The following POFUT3 variants were observed in gnomAD, a reference collection of about 807,000 sequenced individuals.
POFUT3 encodes the protein GDP-fucose protein O-fucosyltransferase 3.
the POFUT3 span, among the ~76,000 whole-genome samples, chr8:33,351,646 C>T: frequency 6.6e-6 from 1 of 152,112 alleles, no homozygotes; most frequent in Non-Finnish European, 1.5e-5. Context: ...GCTTCTTGTA[C>T]AGCCTGAAGA....
chr8:33,439,082 G>T, the POFUT3 span, among the ~76,000 whole-genome samples: 1 of 152,100 alleles, frequency 6.6e-6, no homozygotes. Flanking sequence ...CCTAATCCAG[G>T]ACACCATCAT....
At chr8:33,424,043 G>A in the POFUT3 span, among the ~76,000 whole-genome samples, 1 of 151,788 alleles carries the variant, frequency 6.6e-6, no homozygotes, top group Non-Finnish European at 1.5e-5. Flanking sequence ...GGAGACTGAG[G>A]CAGGAGACTT....
the POFUT3 span, chr8:33,361,082 T>C: frequency 6.6e-6 from 1 of 152,212 alleles, no homozygotes; most frequent in Admixed American, 6.5e-5. Context: ...GTGAACTATA[T>C]ACATGATGAC....
At chr8:33,361,405 A>G in the POFUT3 span, 1 of 152,228 alleles carries the variant, frequency 6.6e-6, no homozygotes, top group Non-Finnish European at 1.5e-5. Context: ...AACACATCTC[A>G]TTAATAATAT....
chr8:33,425,244 G>A, the POFUT3 span, among the ~76,000 whole-genome samples: 4 of 151,958 alleles, frequency 2.6e-5, no homozygotes, highest in East Asian at 7.7e-4. Flanking sequence ...TGAGGCAGGA[G>A]GATTGCCTGA....
At chr8:33,464,446 A>G in the POFUT3 span, among the ~76,000 whole-genome samples, 1 of 152,204 alleles carries the variant, frequency 6.6e-6, no homozygotes, top group Non-Finnish European at 1.5e-5. Context: ...AACTTGACCA[A>G]GACTCTAACT....
chr8:33,329,950 A>G, the POFUT3 span, among the ~76,000 whole-genome samples: 2 of 152,164 alleles, frequency 1.3e-5, no homozygotes, highest in Non-Finnish European at 2.9e-5. Context: ...GGTCTTCTCC[A>G]CCCCAGATCA....
chr8:33,330,773 C>T, the POFUT3 span, among the ~76,000 whole-genome samples: 1 of 152,064 alleles, frequency 6.6e-6, no homozygotes, highest in Non-Finnish European at 1.5e-5. Context: ...CCTCTTCCTC[C>T]CTTCCTTAAA....
At chr8:33,378,582 C>T in the POFUT3 span, among the ~76,000 whole-genome samples, 3,227 of 152,162 alleles carry the variant, frequency 0.021, 119 homozygotes, top group African/African-American at 0.075. Context: ...AAGAACCTGC[C>T]GTACTCCCAA....
chr8:33,382,441 G>T, the POFUT3 span, among the ~76,000 whole-genome samples: 7 of 151,696 alleles, frequency 4.6e-5, no homozygotes, highest in African/African-American at 1.7e-4. Flanking sequence ...AAATGATAAG[G>T]AAAACAAAAA....
the POFUT3 span, among the ~76,000 whole-genome samples, chr8:33,466,245 C>T: frequency 2.0e-4 from 30 of 151,884 alleles, no homozygotes; most frequent in African/African-American, 6.0e-4. Context: ...AACAAGACTC[C>T]GTCTCTACAA....
At chr8:33,459,357 G>A in the POFUT3 span, among the ~76,000 whole-genome samples, 86,998 of 151,748 alleles carry the variant, frequency 0.57, 25,156 homozygotes, top group Non-Finnish European at 0.59. Context: ...AAGTCCTGTG[G>A]AAGCCAGGCG....
the POFUT3 span, among the ~76,000 whole-genome samples, chr8:33,397,077 G>C: frequency 6.6e-6 from 1 of 152,136 alleles, no homozygotes; most frequent in Non-Finnish European, 1.5e-5. Flanking sequence ...GCAGTGACCT[G>C]AGTTTTTTCT....
the POFUT3 span, among the ~76,000 whole-genome samples, chr8:33,430,984 C>T: frequency 6.6e-6 from 1 of 152,226 alleles, no homozygotes. Context: ...CCAGAGCCCC[C>T]TCAGCCTCAA....
the POFUT3 span, among the ~76,000 whole-genome samples, chr8:33,310,098 A>T: frequency 2.6e-4 from 40 of 152,286 alleles, no homozygotes; most frequent in East Asian, 5.8e-3. Flanking sequence ...TTTCATGTGG[A>T]TCTGTTGACT....
chr8:33,385,443 C>T, the POFUT3 span, among the ~76,000 whole-genome samples: 17 of 152,278 alleles, frequency 1.1e-4, no homozygotes, highest in South Asian at 8.3e-4. Context: ...CAGGGTCTGT[C>T]GAGGACGGGG....
chr8:33,332,087 G>C, the POFUT3 span, among the ~76,000 whole-genome samples: 1 of 151,036 alleles, frequency 6.6e-6, no homozygotes, highest in African/African-American at 2.4e-5. Flanking sequence ...AGGCTGCAGT[G>C]AGCTATGATC....
the POFUT3 span, among the ~76,000 whole-genome samples, chr8:33,440,221 G>T: frequency 5.3e-5 from 8 of 152,082 alleles, no homozygotes; most frequent in Non-Finnish European, 1.0e-4. Flanking sequence ...AATTAGCCAG[G>T]CATGGTGGCA....
At chr8:33,311,805 G>T in the POFUT3 span, among the ~76,000 whole-genome samples, 113 of 152,166 alleles carry the variant, frequency 7.4e-4, no homozygotes, top group Non-Finnish European at 1.8e-4. Context: ...ATATGTTTTT[G>T]TGGTGGATAG....
Sources: gnomAD v4.1 joint callset for allele counts (sites outside exome capture counted in the v4.1 genomes callset) on GRCh38, gnomAD v4.1.1 for gene constraint, MANE v1.5 for transcripts, NCBI Gene and HGNC (gene_info 2026-07-23, HGNC 2026-07-21) for gene names.